The following NEK10 variants were observed in gnomAD, a reference collection of about 807,000 sequenced individuals.
NEK10 encodes serine/threonine-protein kinase Nek10.
Under a neutral mutation model 159.8 loss-of-function variants are expected in NEK10, and 122 were observed. That is an observed-to-expected ratio of 0.76 (90% confidence interval 0.66 to 0.89). The LOEUF is 0.89. NEK10 is among the 40% of genes least tolerant of loss of function. NEK10 has a pLI of 0.00. For synonymous variants in NEK10, 466 were observed against 457.1 expected, an observed-to-expected ratio of 1.02 and a Z score of -0.25; for missense variants, 1,342 against 1,323.1, an observed-to-expected ratio of 1.01 and a Z score of -0.22.
intron 23 of NEK10, among the ~76,000 whole-genome samples, chr3:27,205,197 G>A (rs1209829965): frequency 6.6e-6 from 1 of 151,742 alleles, no homozygotes; most frequent in African/African-American, 2.4e-5. Context: ...ACTGCTCAAG[G>A]AAATAAAAGA....
chr3:27,260,096 C>T (rs141869715), intron 22 of NEK10, among the ~76,000 whole-genome samples: 6,293 of 152,174 alleles, frequency 0.041, 213 homozygotes, highest in African/African-American at 0.096. Flanking sequence ...CTGAAGTTGT[C>T]TATCAGCTTA....
intron 5 of NEK10, among the ~76,000 whole-genome samples, chr3:27,329,600 G>T (rs1025938356): frequency 6.6e-6 from 1 of 152,226 alleles, no homozygotes; most frequent in Admixed American, 6.5e-5. Context: ...TCCTGGGAAG[G>T]TAGGAACATT....
chr3:27,253,911 T>G (rs1177821718), intron 23 of NEK10, among the ~76,000 whole-genome samples: 2 of 152,064 alleles, frequency 1.3e-5, no homozygotes, highest in African/African-American at 4.8e-5. Flanking sequence ...GCATCATACC[T>G]CAAGCAATGG....
At chr3:27,355,445 A>G (rs2048267600) in intron 1 of NEK10, among the ~76,000 whole-genome samples, 1 of 151,950 alleles carries the variant, frequency 6.6e-6, no homozygotes, top group South Asian at 2.1e-4. Context: ...CCCTAGTAAC[A>G]AATGCCCCTA....
intron 19 of NEK10, among the ~76,000 whole-genome samples, chr3:27,289,803 T>C (rs1315484887): frequency 6.6e-6 from 1 of 152,178 alleles, no homozygotes; most frequent in African/African-American, 2.4e-5. Flanking sequence ...TAAAATCAAC[T>C]ATAAAATAAA....
At chr3:27,204,301 GT>G (rs567092116) in intron 23 of NEK10, among the ~76,000 whole-genome samples, 9,189 of 66,648 alleles carry the variant, frequency 0.14, 274 homozygotes, top group Non-Finnish European at 0.15. Context: ...TTTTGTTGTT[GT>G]TTTTTTTTTT....
rs563042283 is a variant in NEK10 at position 27,206,899 on chromosome 3, A to C, written c.2091-4342T>G. On this transcript the variant is annotated intron_variant, in intron 23 of 35. Coordinates refer to ENST00000691995, the MANE Select transcript of NEK10 (RefSeq NM_001394966.1). The stretch of plus-strand genomic sequence containing the variant: ...GATAGCTCCCTGGGAGATATCTTAA[A>C]GCCCTGGGCCTGTGACTGTCTTTGC... Among the ~76,000 whole-genome samples the C allele has an allele frequency of 2.3e-4, 35 of 152,306 alleles. 1 individual carries two copies. The South Asian group carries it at 7.3e-3, about 32-fold the overall frequency.
At chr3:27,363,187 G>T (rs750830679) in intron 1 of NEK10, among the ~76,000 whole-genome samples, 1 of 152,062 alleles carries the variant, frequency 6.6e-6, no homozygotes, top group Non-Finnish European at 1.5e-5. Flanking sequence ...GCTGGATGTC[G>T]CATCCTTCAT....
At chr3:27,328,493 C>T (rs538097549) in intron 5 of NEK10, among the ~76,000 whole-genome samples, 4 of 152,224 alleles carry the variant, frequency 2.6e-5, no homozygotes, top group Admixed American at 6.5e-5. Flanking sequence ...AATACATAGT[C>T]CCTGAGGCAG....
At chr3:27,299,172 CG>C (rs1285801942) in intron 13 of NEK10, among the ~76,000 whole-genome samples, 1 of 152,084 alleles carries the variant, frequency 6.6e-6, no homozygotes, top group Non-Finnish European at 1.5e-5. Flanking sequence ...GAGGGAAAAA[CG>C]GTTTCATGGA....
intron 23 of NEK10, among the ~76,000 whole-genome samples, chr3:27,217,530 GC>G (rs1023988678): frequency 5.3e-5 from 8 of 152,016 alleles, no homozygotes; most frequent in Non-Finnish European, 2.9e-5. Context: ...TGGGACATCC[GC>G]CCCCATGACC....
At position 27,107,370 on chromosome 3, in the gene NEK10, A is replaced by G. The variant is rs1415888703; in HGVS notation, c.*3902T>C. Among the ~76,000 whole-genome samples the G allele has an allele frequency of 1.8e-4, 27 of 152,172 alleles. No homozygotes were observed. Among genetic ancestry groups the G allele is most frequent in the Admixed American group, 1.7e-3 (26 of 15,264 alleles). The stretch of plus-strand genomic sequence containing the variant: ...TATGCAATTTACTGTAATGACACAC[A>G]TAAGAATTCCTTTATCACAAAGCTG... On this transcript the variant is annotated 3_prime_UTR_variant, in exon 36 of 36. Transcript: ENST00000691995.
At chr3:27,272,087 G>A (rs904900134) in intron 22 of NEK10, among the ~76,000 whole-genome samples, 3 of 152,096 alleles carry the variant, frequency 2.0e-5, no homozygotes, top group African/African-American at 7.2e-5. Flanking sequence ...ATGACAATAG[G>A]TGAAAAGCAG....
At chr3:27,303,716 G>A (rs554841528) in intron 12 of NEK10, among the ~76,000 whole-genome samples, 1 of 152,292 alleles carries the variant, frequency 6.6e-6, no homozygotes, top group East Asian at 1.9e-4. Context: ...GCTTCTGAAT[G>A]TTCCTTAAGA....
chr3:27,234,587 C>A (rs1045208426), intron 23 of NEK10, among the ~76,000 whole-genome samples: 3 of 152,022 alleles, frequency 2.0e-5, no homozygotes, highest in African/African-American at 7.2e-5. Flanking sequence ...AGGAGAACTA[C>A]AAACCACTGC....
intron 23 of NEK10, among the ~76,000 whole-genome samples, chr3:27,211,463 T>A (rs1285078446): frequency 6.6e-6 from 1 of 152,200 alleles, no homozygotes; most frequent in Non-Finnish European, 1.5e-5. Context: ...CTCAGTCTAT[T>A]AAAGTCAAAG....
chr3:27,359,093 T>G (rs1245705417), intron 1 of NEK10, among the ~76,000 whole-genome samples: 1 of 151,110 alleles, frequency 6.6e-6, no homozygotes, highest in Non-Finnish European at 1.5e-5. Context: ...TCCCAGTTAC[T>G]CAGGAGGCTG....
At chr3:27,242,014 A>C (rs1376620327) in intron 23 of NEK10, among the ~76,000 whole-genome samples, 2 of 152,188 alleles carry the variant, frequency 1.3e-5, no homozygotes, top group African/African-American at 4.8e-5. Context: ...ACACGTTCTC[A>C]AGAAAGAATT....
In NEK10 at chr3:27,111,210, C is replaced by T. The variant is rs1028091545; in HGVS notation, c.*62G>A. ...CCAATCCTTGGGCATCTTGCAATAG[C>T]GGCTGAAGTCCAGAACTTGAACTTC... On this transcript the variant is annotated 3_prime_UTR_variant, in exon 36 of 36. Transcript: ENST00000691995. 19 of 1,482,458 alleles carry T rather than the reference C, an allele frequency of 1.3e-5. No individual in the cohort carries two copies. The highest frequency in any genetic ancestry group is 1.7e-4 in the Middle Eastern group (1 of 5,788). The allele number at this position is 1,482,458 out of a possible 1,614,324, so 91.8% of individuals were successfully genotyped here.
Sources: allele counts gnomAD v4.1 joint callset (sites outside exome capture counted in the v4.1 genomes callset), GRCh38; gene constraint gnomAD v4.1.1; transcripts MANE v1.5; gene names NCBI Gene and HGNC (gene_info 2026-07-23, HGNC 2026-07-21).